Variants in COL21A1 observed in about 807,000 individuals in gnomAD.
COL21A1 encodes the protein collagen type XXI alpha 1 chain.
Under a neutral mutation model 137.9 loss-of-function variants are expected in COL21A1, and 149 were observed. The ratio of observed to expected loss-of-function variants is 1.08; its 90% CI spans 0.95 to 1.24. The LOEUF is 1.24. COL21A1 is among the 50% of genes most tolerant of loss of function. COL21A1 has a pLI of 0.00. For synonymous variants in COL21A1, 456 were observed against 391.5 expected, an observed-to-expected ratio of 1.16 and a Z score of -1.95; for missense variants, 1,167 against 1,158.4, an observed-to-expected ratio of 1.01 and a Z score of -0.11.
At position 56,363,961 on chromosome 6, in the gene COL21A1, A is replaced by G. The variant is rs190044434; in HGVS notation, c.-39+30010T>C. 3.2e-3 allele frequency among the ~76,000 whole-genome samples: 492 copies of G among 152,372 alleles called. 10 individuals carry two copies. The highest frequency in any genetic ancestry group is 0.024 in the Middle Eastern group (7 of 294). The stretch of plus-strand genomic sequence containing the variant: ...TTACTGGGACAGACAGACCTGGACA[A>G]ACTCAGAGTTTGCACTGGACAGCAA... On this transcript the variant is annotated intron_variant, in intron 1 of 28. Transcript: ENST00000370819.
intron 1 of COL21A1, among the ~76,000 whole-genome samples, chr6:56,241,451 T>A (rs930076936): frequency 2.0e-5 from 3 of 152,186 alleles, no homozygotes; most frequent in African/African-American, 7.2e-5. Flanking sequence ...GAGACACATA[T>A]CATCCCTAGT....
At chr6:56,149,849 T>C (rs1775148373) in intron 10 of COL21A1, among the ~76,000 whole-genome samples, 2 of 152,232 alleles carry the variant, frequency 1.3e-5, no homozygotes, top group Non-Finnish European at 1.5e-5. Context: ...TCTCCTTCTG[T>C]GTTTGCGCTC....
chr6:56,323,995 T>C (rs949215725), intron 1 of COL21A1, among the ~76,000 whole-genome samples: 1 of 152,142 alleles, frequency 6.6e-6, no homozygotes, highest in Non-Finnish European at 1.5e-5. Context: ...CATCATTTTA[T>C]GGGATATTAT....
At chr6:56,328,128 C>T (rs1765138038) in intron 1 of COL21A1, among the ~76,000 whole-genome samples, 1 of 151,992 alleles carries the variant, frequency 6.6e-6, no homozygotes, top group African/African-American at 2.4e-5. Context: ...TTTCTCAGAT[C>T]CTTAATTATG....
intron 1 of COL21A1, among the ~76,000 whole-genome samples, chr6:56,268,740 A>G (rs1763453602): frequency 6.6e-6 from 1 of 152,206 alleles, no homozygotes; most frequent in Admixed American, 6.5e-5. Context: ...GTGTTCCCTT[A>G]CCTCCAAACA....
Position 56,163,624 on chromosome 6 carries a change from G to A in COL21A1, c.1371+799C>T, listed in dbSNP as rs181583323. ...CTCGGGAGGCTGAGGCAGGGAAATC[G>A]CTTGAACCCGGGAGGCGGAGCTTGC... On this transcript the variant is annotated intron_variant, in intron 9 of 29. Coordinates refer to ENST00000244728, the MANE Select transcript of COL21A1 (RefSeq NM_030820.4). 3.1e-3 allele frequency among the ~76,000 whole-genome samples: 468 copies of A among 151,864 alleles called. 5 individuals are homozygous for A. The highest frequency in any genetic ancestry group is 0.011 in the African/African-American group (454 of 41,374).
intron 2 of COL21A1, among the ~76,000 whole-genome samples, chr6:56,180,591 A>G (rs1261750299): frequency 6.6e-6 from 1 of 152,234 alleles, no homozygotes; most frequent in African/African-American, 2.4e-5. Context: ...ACCAGGAAAC[A>G]CATCTGGTCA....
chr6:56,392,736 T>C (rs1581806796), intron 1 of COL21A1, among the ~76,000 whole-genome samples: 2 of 152,174 alleles, frequency 1.3e-5, no homozygotes, highest in African/African-American at 4.8e-5. Flanking sequence ...GAAAGTAATC[T>C]CATTTATAAT....
intron 1 of COL21A1, among the ~76,000 whole-genome samples, chr6:56,283,808 T>C (rs1763838644): frequency 6.6e-6 from 1 of 152,028 alleles, no homozygotes; most frequent in African/African-American, 2.4e-5. Context: ...ACAAAAAGGA[T>C]GCAGTCTCAG....
intron 17 of COL21A1, among the ~76,000 whole-genome samples, chr6:56,087,996 C>T (rs1268195795): frequency 6.6e-6 from 1 of 152,096 alleles, no homozygotes; most frequent in African/African-American, 2.4e-5. Context: ...TTAAATTCTC[C>T]AGCTTTTGTT....
chr6:56,149,435 T>C (rs745962358), intron 10 of COL21A1, among the ~76,000 whole-genome samples: 4 of 152,148 alleles, frequency 2.6e-5, no homozygotes, highest in Non-Finnish European at 4.4e-5. Context: ...ATGCATAAGA[T>C]CTTATTGGCC....
chr6:56,265,774 CTTG>C lies in COL21A1; in HGVS notation c.-38-83121_-38-83119del, dbSNP rs200380848. Among the ~76,000 whole-genome samples, 929 of 152,228 alleles carry C rather than the reference CTTG, an allele frequency of 6.1e-3. 10 individuals carry two copies. The highest frequency in any genetic ancestry group is 0.014 in the Middle Eastern group (4 of 294). On this transcript the variant is annotated intron_variant, in intron 1 of 28. Coordinates refer to the COL21A1 transcript ENST00000370819. ...TTGTTTGGGGGAGGATTTAACACTA[CTTG>C]TTGACAGAAACATTTTAGGAAAAAA...
intron 9 of COL21A1, among the ~76,000 whole-genome samples, chr6:56,159,288 T>C (rs1373522982): frequency 6.6e-6 from 1 of 152,090 alleles, no homozygotes; most frequent in Non-Finnish European, 1.5e-5. Flanking sequence ...CCTTGGTTAG[T>C]CTTCATTTAT....
chr6:56,081,274 C>T (rs934235626), intron 17 of COL21A1, among the ~76,000 whole-genome samples: 1 of 150,358 alleles, frequency 6.7e-6, no homozygotes, highest in African/African-American at 2.4e-5. Context: ...TGGCTTTCTA[C>T]CTTGCCTTTC....
At chr6:56,231,279 A>G (rs1781538081) in intron 1 of COL21A1, 2 of 151,922 alleles carry the variant, frequency 1.3e-5, no homozygotes, top group Admixed American at 1.3e-4. Context: ...ATATAAAAGG[A>G]AGCTCTGGTA....
At chr6:56,218,548 A>G (rs1780628273) in intron 1 of COL21A1, among the ~76,000 whole-genome samples, 1 of 152,126 alleles carries the variant, frequency 6.6e-6, no homozygotes, top group South Asian at 2.1e-4. Flanking sequence ...ATATTGGAAT[A>G]CATTCTTAAA....
chr6:56,314,123 T>A (rs1012789931), intron 1 of COL21A1, among the ~76,000 whole-genome samples: 1 of 152,120 alleles, frequency 6.6e-6, no homozygotes, highest in Non-Finnish European at 1.5e-5. Context: ...TAGCTGGGAC[T>A]ACAGGCACGC....
At chr6:56,166,810 C>T (rs774003795) in intron 7 of COL21A1, 96 bp downstream of exon 7, 1 of 897,534 alleles carries the variant, frequency 1.1e-6, no homozygotes, top group Non-Finnish European at 1.8e-6. Context: ...ATTAAGTCTA[C>T]ATATTAAATT....
chr6:56,311,091 T>G (rs1269715658), intron 1 of COL21A1, among the ~76,000 whole-genome samples: 1 of 152,178 alleles, frequency 6.6e-6, no homozygotes, highest in Non-Finnish European at 1.5e-5. Context: ...AAAAGCACCA[T>G]TTCCATAAAC....
Sources: allele counts gnomAD v4.1 joint callset (sites outside exome capture counted in the v4.1 genomes callset), GRCh38; gene constraint gnomAD v4.1.1; transcripts MANE v1.5; gene names NCBI Gene and HGNC (gene_info 2026-07-23, HGNC 2026-07-21).